ZMIZ1: variants seen among roughly 807,000 people sequenced by gnomAD.
The protein encoded by ZMIZ1 is zinc finger MIZ-type containing 1.
ZMIZ1 carries 17 observed loss-of-function variants against 113.9 expected under a neutral mutation model. That is an observed-to-expected ratio of 0.15 (90% CI 0.10 to 0.22). The LOEUF is 0.22. ZMIZ1 is among the 10% of genes least tolerant of loss of function. The pLI is 1.00. For synonymous variants in ZMIZ1, 607 were observed against 603.1 expected (o/e 1.01, Z -0.09); for missense variants, 1,059 against 1,477.8 (o/e 0.72, Z 4.65).
At chr10:79,142,474 A>G (rs1845310795) in intron 3 of ZMIZ1, among the ~76,000 whole-genome samples, 4 of 152,196 alleles carry the variant, frequency 2.6e-5, no homozygotes, top group Admixed American at 2.6e-4. Flanking sequence ...GGAGGGGAAC[A>G]GAAAGCAGGC....
chr10:79,119,298 C>A (rs1844185534), intron 2 of ZMIZ1, among the ~76,000 whole-genome samples: 1 of 152,196 alleles, frequency 6.6e-6, no homozygotes, highest in African/African-American at 2.4e-5. Context: ...CCCTTTCCTT[C>A]TAGAGGGCCT....
In ZMIZ1 at chr10:79,069,760, G is replaced by A. The variant is rs1212124205; in HGVS notation, c.-337+490G>A. 6.6e-6 allele frequency among the ~76,000 whole-genome samples: 1 copy of A among 152,216 alleles called. No individual in the cohort carries two copies. The highest frequency in any genetic ancestry group is 2.4e-5 in the African/African-American group (1 of 41,462). On this transcript the variant is annotated intron_variant, in intron 1 of 24. Transcript: ENST00000334512. This position sits in a 1 kb window ranked among gnomAD's most constrained non-coding sequence, Gnocchi z 4.6. Reference sequence around the variant, plus strand: ...CTGGATTTCAGGATGGCAAGGGGTGGTGGTGTTAACTTGTGCGTCTGAATT... The same window carrying A: ...CTGGATTTCAGGATGGCAAGGGGTGATGGTGTTAACTTGTGCGTCTGAATT...
chr10:79,171,705 G>A (rs1459312970), intron 4 of ZMIZ1, among the ~76,000 whole-genome samples: 3 of 152,186 alleles, frequency 2.0e-5, no homozygotes, highest in African/African-American at 7.2e-5. Flanking sequence ...AGTCCTTGGG[G>A]AGTGAGGGCC....
At chr10:79,254,302 G>A (rs954609427) in intron 7 of ZMIZ1, among the ~76,000 whole-genome samples, 3 of 152,252 alleles carry the variant, frequency 2.0e-5, no homozygotes, top group African/African-American at 7.2e-5. Context: ...GCAGGGTACT[G>A]GGGATGGTCC....
chr10:79,105,836 G>A (rs1843535376), intron 1 of ZMIZ1, among the ~76,000 whole-genome samples: 1 of 152,254 alleles, frequency 6.6e-6, no homozygotes, highest in South Asian at 2.1e-4. Flanking sequence ...GATGGCAGAA[G>A]GAAATGACAA....
Position 79,298,387 on chromosome 10 carries a change from G to A in ZMIZ1, c.1492-19G>A, listed in dbSNP as rs1264371024. 8.7e-6 allele frequency: 14 copies of A among 1,605,302 alleles called. No individual in the cohort carries two copies. Among genetic ancestry groups the A allele is most frequent in the Non-Finnish European group, 1.1e-5 (13 of 1,175,976 alleles). ...CTCCGTAATCCCATAACTCGTGCGTGTCTTTTCTTTCCCTCCAGCCTCCCA... is the reference window on the plus strand; with the variant it reads ...CTCCGTAATCCCATAACTCGTGCGTATCTTTTCTTTCCCTCCAGCCTCCCA... On this transcript the variant is annotated intron_variant, in intron 14 of 24. Transcript: ENST00000334512.
chr10:79,114,007 A>T (rs550496670), intron 1 of ZMIZ1, among the ~76,000 whole-genome samples: 2 of 152,126 alleles, frequency 1.3e-5, no homozygotes, highest in East Asian at 3.9e-4. Flanking sequence ...AGGAGGCGGG[A>T]GTTTGCAAAT....
At chr10:79,086,248 C>CT (rs1436656118) in intron 1 of ZMIZ1, among the ~76,000 whole-genome samples, 1 of 152,162 alleles carries the variant, frequency 6.6e-6, no homozygotes, top group Non-Finnish European at 1.5e-5. Flanking sequence ...ACCTGGCAAA[C>CT]TTTGTCATTA....
chr10:79,176,206 A>T (rs528918094), intron 4 of ZMIZ1, among the ~76,000 whole-genome samples: 2 of 152,186 alleles, frequency 1.3e-5, no homozygotes, highest in East Asian at 3.9e-4. Context: ...TGTCATTAAT[A>T]TATGGCTAGC....
intron 4 of ZMIZ1, among the ~76,000 whole-genome samples, chr10:79,183,358 G>GCGCA (rs1012739667): frequency 2.0e-5 from 3 of 150,692 alleles, no homozygotes; most frequent in Non-Finnish European, 3.0e-5. Context: ...TCGTGCACGC[G>GCGCA]CACACACACA....
chr10:79,224,823 G>T (rs531276913), intron 7 of ZMIZ1, among the ~76,000 whole-genome samples: 24 of 152,190 alleles, frequency 1.6e-4, no homozygotes, highest in Non-Finnish European at 3.4e-4. Flanking sequence ...AGTGCAAGTT[G>T]TTCCTTCAGG....
chr10:79,289,672 G>C lies in ZMIZ1; in HGVS notation c.426-103G>C, dbSNP rs1193291939. ...TACCGACTCGGATGGGGGTTACCTT[G>C]GACTGACTGGGAGCTGCGGTCACTT... On this transcript the variant is annotated intron_variant, in intron 8 of 24. Coordinates refer to ENST00000334512, the MANE Select transcript of ZMIZ1 (RefSeq NM_020338.4). 9 of 1,079,328 alleles carry C rather than the reference G, an allele frequency of 8.3e-6. No homozygotes were observed. The East Asian group carries it at 2.2e-4, about 26-fold the overall frequency. The allele number at this position is 1,079,328 out of a possible 1,614,324, so 66.9% of individuals were successfully genotyped here. A position where few individuals can be genotyped will look rare whatever the true frequency, so the allele number is the denominator to read the frequency against.
chr10:79,094,189 T>C (rs1380816144), intron 1 of ZMIZ1, among the ~76,000 whole-genome samples: 1 of 152,210 alleles, frequency 6.6e-6, no homozygotes, highest in Non-Finnish European at 1.5e-5. Context: ...CCGACCTGGC[T>C]TCCTCGGCAC....
At chr10:79,154,287 A>G (rs1200105053) in intron 3 of ZMIZ1, among the ~76,000 whole-genome samples, 1 of 152,008 alleles carries the variant, frequency 6.6e-6, no homozygotes, top group Non-Finnish European at 1.5e-5. Flanking sequence ...AGAGCTTCCC[A>G]AGGACCTCCA....
chr10:79,312,608 C>T, intron 24 of ZMIZ1, 34 bp from the exon 25 acceptor site: 1 of 1,611,212 alleles, frequency 6.2e-7, no homozygotes, highest in Non-Finnish European at 8.5e-7. Context: ...CTCAGGCACA[C>T]CTCATCTGAA....
At chr10:79,133,212 C>T (rs912499380) in intron 2 of ZMIZ1, among the ~76,000 whole-genome samples, 1 of 152,188 alleles carries the variant, frequency 6.6e-6, no homozygotes, top group Non-Finnish European at 1.5e-5. Flanking sequence ...GGTCCTTTGG[C>T]TACTTCCCAC....
Position 79,104,953 on chromosome 10 carries a change from GTGT to G in ZMIZ1, c.-336-13961_-336-13959del, listed in dbSNP as rs1564652921. Among the ~76,000 whole-genome samples, 377 of 68,606 alleles carry G rather than the reference GTGT, an allele frequency of 5.5e-3. 1 individual carries two copies. Among genetic ancestry groups the G allele is most frequent in the African/African-American group, 0.026 (275 of 10,714 alleles). 45.0% of individuals were successfully genotyped at this position (68,606 alleles called of 152,430 possible). Reference sequence around the variant, plus strand: ...TGTTGTTGGGTTGTTGTTGTGGGGTGTGTGTGTGTGTGTGTGTGTGTGTGTGTG... The same window carrying G: ...TGTTGTTGGGTTGTTGTTGTGGGGTGGTGTGTGTGTGTGTGTGTGTGTGTG... On this transcript the variant is annotated intron_variant, in intron 1 of 24. Coordinates refer to ENST00000334512, the MANE Select transcript of ZMIZ1 (RefSeq NM_020338.4).
chr10:79,273,966 A>G (rs1338337592), intron 7 of ZMIZ1, among the ~76,000 whole-genome samples: 2 of 152,386 alleles, frequency 1.3e-5, no homozygotes, highest in Admixed American at 6.5e-5. Context: ...CCTGGGCCCA[A>G]GCGAGCTGCA....
At chr10:79,077,941 T>C (rs1842529489) in intron 1 of ZMIZ1, among the ~76,000 whole-genome samples, 1 of 152,212 alleles carries the variant, frequency 6.6e-6, no homozygotes, top group Admixed American at 6.5e-5. Context: ...GCCCAGGTCA[T>C]GTGGTGCCTG....
Sources: allele counts gnomAD v4.1 joint callset (sites outside exome capture counted in the v4.1 genomes callset), GRCh38; gene constraint gnomAD v4.1.1; non-coding constraint Gnocchi (gnomAD v3.1); transcripts MANE v1.5; gene names NCBI Gene and HGNC (gene_info 2026-07-23, HGNC 2026-07-21).